The following DDAH1 variants were observed in gnomAD, a reference collection of about 807,000 sequenced individuals.
DDAH1 encodes the protein N(G),N(G)-dimethylarginine dimethylaminohydrolase 1.
DDAH1 carries 19 observed loss-of-function variants against 28.8 expected under a neutral mutation model. The observed-to-expected ratio is 0.66, with a 90% CI of 0.46 to 0.97. The LOEUF (loss-of-function observed/expected upper bound fraction) is 0.97, where lower values mean the gene tolerates loss of function less well. Ranked by LOEUF, DDAH1 falls within the 50% of genes least tolerant of loss-of-function variation. The pLI, the probability that DDAH1 is intolerant of heterozygous loss-of-function variation, is 0.00. For synonymous variants in DDAH1, 153 were observed against 154.4 expected, an observed-to-expected ratio of 0.99 and a Z score of 0.07; for missense variants, 326 against 375.9, an observed-to-expected ratio of 0.87 and a Z score of 1.10.
chr1:85,417,302 G>C (rs1652929461), intron 1 of DDAH1, among the ~76,000 whole-genome samples: 1 of 151,330 alleles, frequency 6.6e-6, no homozygotes, highest in Non-Finnish European at 1.5e-5. Flanking sequence ...ACTGTGCTGG[G>C]TGAGTGGGAA....
intron 1 of DDAH1, among the ~76,000 whole-genome samples, chr1:85,505,002 T>TCC (rs1286465409): frequency 0.031 from 2,404 of 77,700 alleles, 405 homozygotes; most frequent in African/African-American, 0.13. Flanking sequence ...TTTTTTTTTT[T>TCC]GAGACGGAGT....
At chr1:85,482,301 A>C (rs1027871986) in intron 2 of DDAH1, 12 of 152,352 alleles carry the variant, frequency 7.9e-5, no homozygotes, top group African/African-American at 2.9e-4. Flanking sequence ...TCAAATCAAT[A>C]GTATTTTATT....
chr1:85,524,656 A>G (rs1469339246), intron 1 of DDAH1, among the ~76,000 whole-genome samples: 6 of 152,030 alleles, frequency 3.9e-5, no homozygotes, highest in Admixed American at 3.9e-4. Context: ...CTCACCCTTT[A>G]ATACTCCTTC....
At chr1:85,363,090 T>C (rs1283864913) in intron 1 of DDAH1, among the ~76,000 whole-genome samples, 1 of 152,224 alleles carries the variant, frequency 6.6e-6, no homozygotes, top group Non-Finnish European at 1.5e-5. Context: ...CAGGGCAATA[T>C]TTTCCAGTTG....
intron 1 of DDAH1, among the ~76,000 whole-genome samples, chr1:85,496,927 A>G (rs7535386): frequency 0.48 from 73,297 of 152,074 alleles, 18,325 homozygotes; most frequent in East Asian, 0.62. Flanking sequence ...AACACGTACT[A>G]TCTTCTTGCA....
intron 4 of DDAH1, among the ~76,000 whole-genome samples, chr1:85,345,409 G>A (rs1353991623): frequency 6.6e-6 from 1 of 151,886 alleles, no homozygotes; most frequent in African/African-American, 2.4e-5. Context: ...AGGAAATGCA[G>A]GTTGCTCTAA....
chr1:85,355,840 C>A (rs143588021), intron 2 of DDAH1, among the ~76,000 whole-genome samples: 1 of 152,132 alleles, frequency 6.6e-6, no homozygotes, highest in African/African-American at 2.4e-5. Flanking sequence ...CAGCTACACA[C>A]ATCAACTTAG....
chr1:85,425,067 T>A (rs539001846), intron 1 of DDAH1, among the ~76,000 whole-genome samples: 89 of 152,206 alleles, frequency 5.8e-4, no homozygotes, highest in Middle Eastern at 6.8e-3. Context: ...GATCATACAG[T>A]ATCTTTTAAA....
chr1:85,341,841 AC>A (rs945891583), intron 4 of DDAH1, among the ~76,000 whole-genome samples: 6 of 146,226 alleles, frequency 4.1e-5, no homozygotes, highest in African/African-American at 1.5e-4. Flanking sequence ...AAAAACAAAA[AC>A]AAAAAAAAAC....
intron 4 of DDAH1, among the ~76,000 whole-genome samples, chr1:85,335,852 CT>C (rs1648072170): frequency 6.6e-6 from 1 of 151,998 alleles, no homozygotes; most frequent in South Asian, 2.1e-4. Flanking sequence ...GTTTCAGCTG[CT>C]TGGAAGGCTG....
intron 1 of DDAH1, among the ~76,000 whole-genome samples, chr1:85,390,076 G>A (rs1223889076): frequency 2.6e-5 from 4 of 152,102 alleles, no homozygotes; most frequent in South Asian, 2.1e-4. Context: ...ATATGTGGTC[G>A]CATATCTTTC....
At chr1:85,343,582 T>C (rs765955322) in intron 4 of DDAH1, among the ~76,000 whole-genome samples, 47 of 152,366 alleles carry the variant, frequency 3.1e-4, no homozygotes, top group Admixed American at 2.6e-4. Context: ...ATGCCTTTCA[T>C]AGCAGAGACT....
chr1:85,396,477 C>T (rs1281479983), intron 1 of DDAH1, among the ~76,000 whole-genome samples: 2 of 152,036 alleles, frequency 1.3e-5, no homozygotes, highest in East Asian at 1.9e-4. Flanking sequence ...ACTCACTCAT[C>T]GCAAAGAAGA....
At chr1:85,502,546 T>C (rs1024787274) in intron 1 of DDAH1, among the ~76,000 whole-genome samples, 3 of 152,202 alleles carry the variant, frequency 2.0e-5, no homozygotes, top group Admixed American at 6.5e-5. Flanking sequence ...ACTGCCATCA[T>C]TGCCCCCTTC....
chr1:85,359,590 G>C (rs1470601975), intron 1 of DDAH1, among the ~76,000 whole-genome samples: 1 of 152,184 alleles, frequency 6.6e-6, no homozygotes, highest in Non-Finnish European at 1.5e-5. Context: ...CAACCCATAG[G>C]ACAATCACTG....
In DDAH1 at chr1:85,457,429, T is replaced by C. The variant is rs139034226; in HGVS notation, c.303+7314A>G. On this transcript the variant is annotated intron_variant, in intron 1 of 5. Coordinates refer to ENST00000284031, the MANE Select transcript of DDAH1 (RefSeq NM_012137.4). ...TGCCCCCGTGTTCTGCAAGTGTCTG[T>C]CACTGATCTGCCTCCCTCTCTGGAC... is the stretch of plus-strand genomic sequence containing the variant. Among the ~76,000 whole-genome samples the C allele has an allele frequency of 1.4e-4, 21 of 152,226 alleles. No homozygotes were observed. The East Asian group carries it at 4.1e-3, about 30-fold the overall frequency.
intron 2 of DDAH1, among the ~76,000 whole-genome samples, chr1:85,486,921 T>G (rs1441524787): frequency 6.6e-6 from 1 of 152,190 alleles, no homozygotes; most frequent in African/African-American, 2.4e-5. Flanking sequence ...TATCATATTT[T>G]GAATTTTGGA....
chr1:85,333,100 C>T (rs762930543), intron 4 of DDAH1, among the ~76,000 whole-genome samples: 3 of 152,192 alleles, frequency 2.0e-5, no homozygotes, highest in South Asian at 2.1e-4. Flanking sequence ...CTTGGTCTGC[C>T]GCTGCCAACA....
At chr1:85,366,655 A>T (rs1005112552) in intron 1 of DDAH1, among the ~76,000 whole-genome samples, 2 of 152,152 alleles carry the variant, frequency 1.3e-5, no homozygotes, top group African/African-American at 4.8e-5. Flanking sequence ...GTTACTCATG[A>T]GTAAAGTATT....
Sources: gnomAD v4.1 joint callset for allele counts (sites outside exome capture counted in the v4.1 genomes callset) on GRCh38, gnomAD v4.1.1 for gene constraint, MANE v1.5 for transcripts, NCBI Gene and HGNC (gene_info 2026-07-23, HGNC 2026-07-21) for gene names.